Variants in ERC2 observed in about 807,000 individuals in gnomAD.
ERC2 encodes the protein ELKS/RAB6-interacting/CAST family member 2, also known as ERC protein 2.
In ERC2, 42 loss-of-function variants were observed where a neutral mutation model predicts 114.8. The ratio of observed to expected loss-of-function variants is 0.37; its 90% CI spans 0.29 to 0.47. The LOEUF is 0.47. ERC2 is among the 20% of genes least tolerant of loss of function. The pLI is 0.99. For missense variants in ERC2, 939 were observed against 1,150.7 expected (o/e 0.82, Z 2.66); for synonymous variants, 454 against 425.5 (o/e 1.07, Z -0.82).
intron 6 of ERC2, among the ~76,000 whole-genome samples, chr3:56,126,037 T>C (rs1448782222): frequency 6.6e-6 from 1 of 152,208 alleles, no homozygotes; most frequent in Non-Finnish European, 1.5e-5. Flanking sequence ...AAGTATCCAC[T>C]TAGGGCTACT....
chr3:55,798,727 T>C (rs2070729511), intron 14 of ERC2, among the ~76,000 whole-genome samples: 2 of 151,240 alleles, frequency 1.3e-5, no homozygotes, highest in Non-Finnish European at 2.9e-5. Context: ...TGAGAGAAAA[T>C]AACTATCAGC....
chr3:55,952,172 C>CTATAT (rs1559922574), intron 12 of ERC2, among the ~76,000 whole-genome samples: 9 of 58,904 alleles, frequency 1.5e-4, no homozygotes, highest in African/African-American at 4.7e-4. Flanking sequence ...CACACACACA[C>CTATAT]ACACACACTC....
chr3:55,558,841 C>T (rs1421960202), intron 17 of ERC2, among the ~76,000 whole-genome samples: 1 of 152,200 alleles, frequency 6.6e-6, no homozygotes, highest in Non-Finnish European at 1.5e-5. Flanking sequence ...TAGGGGTAAA[C>T]AGTGGTTTCC....
In ERC2 at chr3:55,643,117, G is replaced by A. The variant is rs551607693; in HGVS notation, c.*39+40677C>T. On this transcript the variant is annotated intron_variant, in intron 17 of 17. Coordinates refer to ENST00000288221, the MANE Select transcript of ERC2 (RefSeq NM_015576.3). ...TGGGGCTCTGGGAGCCAGTCTTCCT[G>A]ACACTGCTTGGTAGGATCAAAGTGT... is the stretch of plus-strand genomic sequence containing the variant. 2.0e-5 allele frequency among the ~76,000 whole-genome samples: 3 copies of A among 152,314 alleles called. No individual in the cohort carries two copies. In the East Asian group the frequency reaches 5.8e-4, roughly 29 times the overall value.
chr3:55,701,676 G>C (rs1329560865), intron 15 of ERC2, among the ~76,000 whole-genome samples: 1 of 152,182 alleles, frequency 6.6e-6, no homozygotes, highest in South Asian at 2.1e-4. Flanking sequence ...TCCACTTAAA[G>C]TGTCAGAAGA....
intron 17 of ERC2, among the ~76,000 whole-genome samples, chr3:55,553,229 C>T (rs2055350719): frequency 6.6e-6 from 1 of 151,322 alleles, no homozygotes; most frequent in African/African-American, 2.4e-5. Context: ...ATCATATTGG[C>T]CATGCTGGTC....
chr3:56,191,493 A>T (rs1322942360), intron 3 of ERC2, among the ~76,000 whole-genome samples: 1 of 151,800 alleles, frequency 6.6e-6, no homozygotes, highest in Non-Finnish European at 1.5e-5. Flanking sequence ...TTCACTCACA[A>T]CTCCATGAGA....
chr3:55,744,190 G>A (rs1047275754), intron 14 of ERC2, among the ~76,000 whole-genome samples: 1 of 152,048 alleles, frequency 6.6e-6, no homozygotes, highest in African/African-American at 2.4e-5. Context: ...ATCACCTGAG[G>A]TCAGGAGTTC....
At chr3:55,953,034 A>C (rs2067691726) in intron 12 of ERC2, among the ~76,000 whole-genome samples, 1 of 151,998 alleles carries the variant, frequency 6.6e-6, no homozygotes, top group South Asian at 2.1e-4. Context: ...TCTACTAAAA[A>C]TACAAACAAA....
intron 3 of ERC2, among the ~76,000 whole-genome samples, chr3:56,228,213 C>T (rs2050379556): frequency 6.6e-6 from 1 of 152,098 alleles, no homozygotes; most frequent in Admixed American, 6.5e-5. Context: ...GTAAAATATA[C>T]ATAATATTTA....
chr3:55,822,936 T>C (rs2060189194), intron 14 of ERC2, among the ~76,000 whole-genome samples: 2 of 152,198 alleles, frequency 1.3e-5, no homozygotes, highest in Admixed American at 1.3e-4. Context: ...ATAGCCATCA[T>C]GCTGCCTAGA....
At chr3:55,832,289 A>G (rs1395141186) in intron 14 of ERC2, among the ~76,000 whole-genome samples, 3 of 152,230 alleles carry the variant, frequency 2.0e-5, no homozygotes, top group South Asian at 2.1e-4. Flanking sequence ...ATCTGAGAAC[A>G]GGCAGACTGC....
intron 14 of ERC2, among the ~76,000 whole-genome samples, chr3:55,798,816 A>G (rs72877114): frequency 0.059 from 8,960 of 152,036 alleles, 391 homozygotes; most frequent in African/African-American, 0.12. Context: ...TTTATCACCA[A>G]TAGACCTACA....
chr3:56,080,756 T>C, intron 7 of ERC2, 61 bp downstream of exon 7: 1 of 1,544,788 alleles, frequency 6.5e-7, no homozygotes, highest in South Asian at 1.2e-5. Flanking sequence ...TGCTCAAAAT[T>C]TTTCTAAAAT....
chr3:55,611,540 A>T (rs543974133), intron 17 of ERC2, among the ~76,000 whole-genome samples: 99 of 152,262 alleles, frequency 6.5e-4, no homozygotes, highest in African/African-American at 2.3e-3. Flanking sequence ...TCTCTACAAG[A>T]TCTAATGTCT....
At chr3:56,364,950 A>G (rs1457142710) in intron 2 of ERC2, among the ~76,000 whole-genome samples, 2 of 152,206 alleles carry the variant, frequency 1.3e-5, no homozygotes, top group Non-Finnish European at 2.9e-5. Context: ...AGACTGCTGG[A>G]GTTCCACCAC....
At chr3:56,342,076 C>T (rs1180350791) in intron 2 of ERC2, among the ~76,000 whole-genome samples, 11 of 152,222 alleles carry the variant, frequency 7.2e-5, no homozygotes, top group Non-Finnish European at 1.3e-4. Context: ...GCAACCCTCC[C>T]ACCCTGCCTC....
chr3:56,272,338 C>T (rs1164364629), intron 3 of ERC2, among the ~76,000 whole-genome samples: 1 of 152,234 alleles, frequency 6.6e-6, no homozygotes, highest in East Asian at 1.9e-4. Flanking sequence ...CTCTGCCTAT[C>T]TAGAAGAGTC....
intron 16 of ERC2, among the ~76,000 whole-genome samples, chr3:55,691,498 T>C (rs1221624150): frequency 8.0e-6 from 1 of 124,686 alleles, no homozygotes; most frequent in Non-Finnish European, 1.6e-5. Flanking sequence ...GAAACAAAAC[T>C]CAAGGCTCCT....
Sources: allele counts gnomAD v4.1 joint callset (sites outside exome capture counted in the v4.1 genomes callset), GRCh38; gene constraint gnomAD v4.1.1; transcripts MANE v1.5; gene names NCBI Gene and HGNC (gene_info 2026-07-23, HGNC 2026-07-21).